SIPA1L3: variants seen among roughly 807,000 people sequenced by gnomAD.
The protein encoded by SIPA1L3 is signal induced proliferation associated 1 like 3, also known as signal-induced proliferation-associated 1-like protein 3.
A neutral mutation model predicts 150.1 loss-of-function variants in SIPA1L3; 59 were observed. That is an observed-to-expected ratio of 0.39 (90% CI 0.32 to 0.49). SIPA1L3 has a LOEUF of 0.49. Ranked by LOEUF, SIPA1L3 falls within the 20% of genes least tolerant of loss-of-function variation. The pLI is 0.86. For synonymous variants in SIPA1L3, 1,070 were observed against 1,077.6 expected (o/e 0.99, Z 0.14); for missense variants, 2,211 against 2,489.5 (o/e 0.89, Z 2.38).
intron 2 of SIPA1L3, among the ~76,000 whole-genome samples, chr19:38,075,882 G>A (rs1969826718): frequency 6.6e-6 from 1 of 152,106 alleles, no homozygotes; most frequent in African/African-American, 2.4e-5. Flanking sequence ...GGTGGCTCAC[G>A]CCTGTAACCC....
intron 1 of SIPA1L3, among the ~76,000 whole-genome samples, chr19:37,927,275 G>C (rs1599801877): frequency 6.6e-6 from 1 of 151,474 alleles, no homozygotes; most frequent in African/African-American, 2.4e-5. Flanking sequence ...CTCCCGAGTA[G>C]CTGGGATTAC....
chr19:37,939,399 C>CAAA (rs753230257), intron 1 of SIPA1L3, among the ~76,000 whole-genome samples: 14 of 69,120 alleles, frequency 2.0e-4, no homozygotes, highest in African/African-American at 5.0e-4. Context: ...GACTCCATGT[C>CAAA]AAAAAAAAAA....
At chr19:37,966,546 C>T (rs528809902) in intron 1 of SIPA1L3, among the ~76,000 whole-genome samples, 3 of 152,314 alleles carry the variant, frequency 2.0e-5, no homozygotes, top group Non-Finnish European at 4.4e-5. Context: ...CCTCCCTCTG[C>T]ACCGTCCATC....
At chr19:38,070,005 TG>T (rs1186964047) in intron 2 of SIPA1L3, among the ~76,000 whole-genome samples, 1 of 151,910 alleles carries the variant, frequency 6.6e-6, no homozygotes, top group Non-Finnish European at 1.5e-5. Flanking sequence ...AAAGCTCCTC[TG>T]TACCTCTATT....
chr19:38,002,764 A>ATC (rs1225040094), intron 1 of SIPA1L3, among the ~76,000 whole-genome samples: 2 of 149,652 alleles, frequency 1.3e-5, no homozygotes, highest in African/African-American at 4.9e-5. Flanking sequence ...ATATATATAT[A>ATC]TCTCACATTT....
chr19:37,985,140 T>C (rs777406129), intron 1 of SIPA1L3, among the ~76,000 whole-genome samples: 45 of 152,104 alleles, frequency 3.0e-4, no homozygotes, highest in South Asian at 2.1e-4. Context: ...TTGAGGCCAG[T>C]TTGAGACCAG....
rs1231427716 is a variant in SIPA1L3 at position 38,046,886 on chromosome 19, G to A, written c.-311+17730G>A. On this transcript the variant is annotated intron_variant, in intron 2 of 21. Transcript: ENST00000222345. This position sits in a 1 kb window ranked among gnomAD's most constrained non-coding sequence, Gnocchi z 5.6. ...CTCTTTGAGAGCACTTGGGTGTATCGTGTCTCAGAAAACCCACATGGCTTG... is the reference window on the plus strand; with the variant it reads ...CTCTTTGAGAGCACTTGGGTGTATCATGTCTCAGAAAACCCACATGGCTTG... 1.3e-5 allele frequency among the ~76,000 whole-genome samples: 2 copies of A among 152,156 alleles called. No homozygotes were observed. Among genetic ancestry groups the A allele is most frequent in the African/African-American group, 4.8e-5 (2 of 41,424 alleles).
chr19:38,050,765 G>A (rs1015818386), intron 2 of SIPA1L3, among the ~76,000 whole-genome samples: 13 of 151,642 alleles, frequency 8.6e-5, no homozygotes, highest in Admixed American at 7.2e-4. Flanking sequence ...ATTTTTAAAA[G>A]TATGATGTGT....
chr19:38,087,119 G>A (rs1005850857), intron 3 of SIPA1L3, among the ~76,000 whole-genome samples: 1 of 152,196 alleles, frequency 6.6e-6, no homozygotes, highest in Non-Finnish European at 1.5e-5. Flanking sequence ...ATGGGCCTAG[G>A]AGAAGATTCC....
intron 9 of SIPA1L3, 54 bp downstream of exon 9, chr19:38,119,936 G>T: frequency 1.5e-6 from 2 of 1,302,458 alleles, no homozygotes; most frequent in Non-Finnish European, 1.1e-6. Flanking sequence ...TCGGCCTCAG[G>T]AACCACTGAA....
intron 2 of SIPA1L3, among the ~76,000 whole-genome samples, chr19:38,054,085 C>T (rs1430389689): frequency 6.6e-6 from 1 of 152,106 alleles, no homozygotes; most frequent in African/African-American, 2.4e-5. Context: ...TGGCTCATGC[C>T]TGTAATCCCA....
At chr19:38,167,433 G>A (rs773207786) in intron 15 of SIPA1L3, among the ~76,000 whole-genome samples, 8 of 151,990 alleles carry the variant, frequency 5.3e-5, no homozygotes, top group Non-Finnish European at 1.2e-4. Flanking sequence ...GCACTTCCCC[G>A]GGCACACTGT....
chr19:37,932,369 A>T (rs919602512), intron 1 of SIPA1L3: 1 of 152,252 alleles, frequency 6.6e-6, no homozygotes, highest in African/African-American at 2.4e-5. Context: ...TCCCTCCCCC[A>T]AAGGGAATGT....
chr19:38,132,203 C>T, intron 10 of SIPA1L3, among the ~76,000 whole-genome samples: 1 of 152,222 alleles, frequency 6.6e-6, no homozygotes, highest in Non-Finnish European at 1.5e-5. Context: ...TGTGCCACTG[C>T]ACTCCAGCCT....
chr19:38,082,632 C>T lies in SIPA1L3; in HGVS notation c.1067C>T (p.Ala356Val), dbSNP rs1317137198. 6.2e-7 allele frequency: 1 copy of T among 1,605,564 alleles called. No homozygotes were observed. The highest frequency in any genetic ancestry group is 1.1e-5 in the South Asian group (1 of 91,082). ...QSMLFDLNEA[A>V]ANRVSVSQRR... ...ATGCTGTTCGACCTCAACGAGGCGGCCGCCAACAGGGTGTCGGTGTCGCAG... is the reference window on the plus strand; with the variant it reads ...ATGCTGTTCGACCTCAACGAGGCGGTCGCCAACAGGGTGTCGGTGTCGCAG... The change falls in exon 3 of 22, where the codon GCC (alanine) becomes GTC (valine). Residue 356 changes from alanine (A) to valine (V), a missense_variant. Physicochemically the swap from Ala to Val is moderately conservative, Grantham distance 64. Around this residue, in one of 5 missense-constraint regions of SIPA1L3, gnomAD observed 587 missense variants for 534.5 expected, o/e 1.10. Transcript: ENST00000222345.
chr19:38,111,883 G>T (rs987162277), intron 8 of SIPA1L3, among the ~76,000 whole-genome samples: 1 of 150,998 alleles, frequency 6.6e-6, no homozygotes, highest in Non-Finnish European at 1.5e-5. Flanking sequence ...ACACGCACAC[G>T]TGCACAGGCA....
At chr19:38,158,821 C>T (rs1257283247) in intron 13 of SIPA1L3, among the ~76,000 whole-genome samples, 1 of 152,228 alleles carries the variant, frequency 6.6e-6, no homozygotes, top group East Asian at 1.9e-4. Flanking sequence ...GGGGAAGGTA[C>T]AGCCCTTGGC....
At chr19:38,145,352 T>G (rs994368838) in intron 12 of SIPA1L3, among the ~76,000 whole-genome samples, 2 of 151,776 alleles carry the variant, frequency 1.3e-5, no homozygotes, top group African/African-American at 2.4e-5. Flanking sequence ...GCCAACATGA[T>G]GAAACCCCGT....
chr19:38,086,952 T>G (rs181112269), intron 3 of SIPA1L3, among the ~76,000 whole-genome samples: 83 of 152,338 alleles, frequency 5.4e-4, no homozygotes, highest in African/African-American at 1.9e-3. Context: ...CACGCCAGGA[T>G]GATCAGACAT....
Sources: gnomAD v4.1 joint callset for allele counts (sites outside exome capture counted in the v4.1 genomes callset) on GRCh38, gnomAD v4.1.1 for gene constraint, gnomAD v4.1.1 regional missense constraint, Gnocchi (gnomAD v3.1) non-coding constraint, MANE v1.5 for transcripts, NCBI Gene and HGNC (gene_info 2026-07-23, HGNC 2026-07-21) for gene names.